Variants in TBC1D4 observed in about 807,000 individuals in gnomAD.
TBC1D4 encodes the protein TBC1 domain family member 4.
A neutral mutation model predicts 142.5 loss-of-function variants in TBC1D4; 121 were observed. The ratio of observed to expected loss-of-function variants is 0.85; its 90% CI spans 0.73 to 0.99. The LOEUF (loss-of-function observed/expected upper bound fraction) is 0.99, where lower values mean the gene tolerates loss of function less well. TBC1D4 is among the 50% of genes least tolerant of loss of function. The pLI, the probability that TBC1D4 is intolerant of heterozygous loss-of-function variation, is 0.00. For missense variants in TBC1D4, 1,475 were observed against 1,606.6 expected (o/e 0.92, Z 1.40); for synonymous variants, 630 against 628.2 (o/e 1.00, Z -0.04).
chr13:75,332,396 G>A (rs1879826197), intron 8 of TBC1D4, among the ~76,000 whole-genome samples: 1 of 152,158 alleles, frequency 6.6e-6, no homozygotes, highest in African/African-American at 2.4e-5. Context: ...AAATCGGCTA[G>A]GGCCAGGGAT....
intron 5 of TBC1D4, among the ~76,000 whole-genome samples, chr13:75,347,090 T>TAATGAGTTTA (rs370431934): frequency 2.2e-3 from 330 of 152,324 alleles, no homozygotes; most frequent in African/African-American, 7.3e-3. Context: ...AATGTTAGGT[T>TAATGAGTTTA]AATGAGTTTA....
chr13:75,397,569 T>C (rs1884860026), intron 1 of TBC1D4, among the ~76,000 whole-genome samples: 1 of 152,244 alleles, frequency 6.6e-6, no homozygotes, highest in South Asian at 2.1e-4. Context: ...TCTACAAAGC[T>C]GACAGGTCTT....
intron 12 of TBC1D4, among the ~76,000 whole-genome samples, chr13:75,313,978 T>C (rs1269448448): frequency 1.3e-5 from 2 of 152,186 alleles, no homozygotes; most frequent in African/African-American, 4.8e-5. Context: ...CCCTCAATTT[T>C]TGGGGGACAG....
intron 1 of TBC1D4, among the ~76,000 whole-genome samples, chr13:75,376,918 T>C (rs1175084627): frequency 6.6e-6 from 1 of 152,232 alleles, no homozygotes; most frequent in African/African-American, 2.4e-5. Flanking sequence ...ACACAGAGAA[T>C]AGCACCACGT....
intron 1 of TBC1D4, among the ~76,000 whole-genome samples, chr13:75,428,793 T>C (rs1204362324): frequency 1.3e-5 from 2 of 152,204 alleles, no homozygotes; most frequent in African/African-American, 4.8e-5. Context: ...ACAGGGCAGA[T>C]TGAGGGTGAA....
At chr13:75,354,103 C>T (rs989930328) in intron 4 of TBC1D4, among the ~76,000 whole-genome samples, 1 of 152,180 alleles carries the variant, frequency 6.6e-6, no homozygotes, top group African/African-American at 2.4e-5. Context: ...TGTGGTCTGA[C>T]CCAGAGAAGA....
At chr13:75,478,592 C>G (rs1249612497) in intron 1 of TBC1D4, among the ~76,000 whole-genome samples, 1 of 152,156 alleles carries the variant, frequency 6.6e-6, no homozygotes, top group Non-Finnish European at 1.5e-5. Context: ...ACAAAGCAAA[C>G]AGCAGGTCTT....
chr13:75,294,873 T>C lies in TBC1D4; in HGVS notation c.3297A>G (p.Gly1099=). 1 of 1,613,834 alleles carries C rather than the reference T, an allele frequency of 6.2e-7. No homozygotes were observed. The highest frequency in any genetic ancestry group is 8.5e-7 in the Non-Finnish European group (1 of 1,179,844). ...TCTTACCAAAAACTCTGGCTACAAATCCTAATGAAAACTGAGAGGCAAACA... is the reference window on the plus strand; with the variant it reads ...TCTTACCAAAAACTCTGGCTACAAACCCTAATGAAAACTGAGAGGCAAACA... The part of the protein sequence containing the change: ...LTLFASQFSL[G]FVARVFDIIF... Residue 1099 remains glycine (G), a synonymous_variant, in exon 18 of 21, where the codon GGA becomes GGG. Coordinates refer to ENST00000377636, the MANE Select transcript of TBC1D4 (RefSeq NM_014832.5).
intron 18 of TBC1D4, among the ~76,000 whole-genome samples, chr13:75,294,410 A>C (rs1314557955): frequency 6.6e-6 from 1 of 152,248 alleles, no homozygotes; most frequent in Non-Finnish European, 1.5e-5. Context: ...AACAACAAAA[A>C]GTCAGGTTAA....
rs1593867947 is a variant in TBC1D4 at position 75,294,726 on chromosome 13, A to C, written c.3316+128T>G. 5.2e-6 allele frequency: 5 copies of C among 967,506 alleles called. No homozygotes were observed. The East Asian group carries it at 1.3e-4, about 26-fold the overall frequency. 59.9% of individuals were successfully genotyped at this position (967,506 alleles called of 1,614,324 possible). ...AGAACACAGCCAGGCACATTTATTA[A>C]ATTCCATTAGCAATTTGCTATTCTG... On this transcript the variant is annotated intron_variant, in intron 18 of 20. Transcript: ENST00000377636.
intron 1 of TBC1D4, among the ~76,000 whole-genome samples, chr13:75,426,783 T>G (rs1266354459): frequency 6.6e-6 from 1 of 151,948 alleles, no homozygotes. Flanking sequence ...GGCTCACACC[T>G]GTAATCCCAG....
At chr13:75,451,194 C>G (rs1887517059) in intron 1 of TBC1D4, among the ~76,000 whole-genome samples, 1 of 152,154 alleles carries the variant, frequency 6.6e-6, no homozygotes, top group African/African-American at 2.4e-5. Flanking sequence ...TTGTTTGAGA[C>G]TCACTTTTCT....
chr13:75,368,349 C>T (rs1371596027), intron 1 of TBC1D4, among the ~76,000 whole-genome samples: 1 of 152,194 alleles, frequency 6.6e-6, no homozygotes, highest in East Asian at 1.9e-4. Flanking sequence ...CCAAAGAAAG[C>T]AAGAGTATCT....
Position 75,386,536 on chromosome 13 carries a change from C to T in TBC1D4, c.499-23929G>A, listed in dbSNP as rs1884182928. Among the ~76,000 whole-genome samples the T allele has an allele frequency of 1.3e-5, 2 of 151,878 alleles. 1 individual carries two copies. The highest frequency in any genetic ancestry group is 4.8e-5 in the African/African-American group (2 of 41,352). ...CCTGAGTAGCTGGGACTACAGGCAT[C>T]CGCCACCAGACCTGGCTAATTTTTT... On this transcript the variant is annotated intron_variant, in intron 1 of 20. Transcript: ENST00000377636.
chr13:75,314,615 G>C lies in TBC1D4; in HGVS notation c.2223-1717C>G, dbSNP rs554010820. Among the ~76,000 whole-genome samples the C allele has an allele frequency of 7.2e-5, 11 of 152,170 alleles. 1 individual carries two copies. The highest frequency in any genetic ancestry group is 2.7e-4 in the African/African-American group (11 of 41,492). On this transcript the variant is annotated intron_variant, in intron 12 of 20. Transcript: ENST00000377636. ...ATATATCTCAATATAGTCAAACTCT[G>C]GTTATTATGCATCCTGGATAACACT...
chr13:75,323,626 A>G (rs900004093), intron 11 of TBC1D4, among the ~76,000 whole-genome samples: 14 of 152,256 alleles, frequency 9.2e-5, no homozygotes, highest in Admixed American at 5.2e-4. Flanking sequence ...AATGTTCACA[A>G]GATTCAAGAG....
intron 1 of TBC1D4, among the ~76,000 whole-genome samples, chr13:75,462,785 C>T (rs147908468): frequency 2.0e-5 from 3 of 152,158 alleles, no homozygotes; most frequent in African/African-American, 7.2e-5. Flanking sequence ...GCCTTGGAGC[C>T]ACGACCCTCC....
At chr13:75,401,561 A>G (rs886450809) in intron 1 of TBC1D4, among the ~76,000 whole-genome samples, 2 of 152,274 alleles carry the variant, frequency 1.3e-5, no homozygotes, top group African/African-American at 4.8e-5. Flanking sequence ...AGAATTATGT[A>G]CAAAATAAAA....
chr13:75,348,950 A>AGT (rs1446471776), intron 5 of TBC1D4, among the ~76,000 whole-genome samples: 29 of 125,010 alleles, frequency 2.3e-4, no homozygotes, highest in African/African-American at 7.2e-4. Context: ...AGAGAGAGAG[A>AGT]GAGAGTGTGT....
Sources: gnomAD v4.1 joint callset for allele counts (sites outside exome capture counted in the v4.1 genomes callset) on GRCh38, gnomAD v4.1.1 for gene constraint, MANE v1.5 for transcripts, NCBI Gene and HGNC (gene_info 2026-07-23, HGNC 2026-07-21) for gene names.